FBXW11: variants seen among roughly 807,000 people sequenced by gnomAD.
The protein encoded by FBXW11 is F-box/WD repeat-containing protein 11.
A neutral mutation model predicts 77.6 loss-of-function variants in FBXW11; 19 were observed. That is an observed-to-expected ratio of 0.24 (90% CI 0.17 to 0.36). The LOEUF (loss-of-function observed/expected upper bound fraction) is 0.36. Among genes scored for constraint, FBXW11 ranks in the 10% least tolerant of loss-of-function variants. The pLI is 1.00. For synonymous variants in FBXW11, 235 were observed against 249.4 expected (o/e 0.94, Z 0.54); for missense variants, 334 against 704.2 (o/e 0.47, Z 5.95).
chr5:171,924,941 T>C (rs1286205251), intron 2 of FBXW11, among the ~76,000 whole-genome samples: 2 of 152,078 alleles, frequency 1.3e-5, no homozygotes, highest in African/African-American at 4.8e-5. Flanking sequence ...GCATTCCCCC[T>C]TGTCTAGATG....
At chr5:171,928,509 C>G (rs776909579) in intron 2 of FBXW11, among the ~76,000 whole-genome samples, 6 of 152,134 alleles carry the variant, frequency 3.9e-5, no homozygotes, top group Non-Finnish European at 8.8e-5. Context: ...AAATTTACTA[C>G]AAAGCTATTG....
intron 1 of FBXW11, among the ~76,000 whole-genome samples, chr5:171,957,982 TGTGAAAGTTTGA>T (rs752718431): frequency 5.3e-4 from 81 of 152,352 alleles, no homozygotes; most frequent in Non-Finnish European, 1.1e-3. Context: ...CAAAGGGAAC[TGTGAAAGTTTGA>T]GTGCAAAACA....
intron 1 of FBXW11, among the ~76,000 whole-genome samples, chr5:171,965,617 G>A (rs773623225): frequency 1.3e-5 from 2 of 151,374 alleles, no homozygotes; most frequent in Non-Finnish European, 2.9e-5. Context: ...GTAGAGAGAT[G>A]AAGGGTAATG....
At chr5:172,006,349 G>C (rs1268104939) in intron 1 of FBXW11, 109 bp downstream of exon 1, 14 of 987,260 alleles carry the variant, frequency 1.4e-5, no homozygotes, top group Non-Finnish European at 1.6e-5. Flanking sequence ...GGTCTGGGTC[G>C]AGGCGTCTGG....
chr5:171,967,855 C>CATATATAT (rs375683631), intron 1 of FBXW11, among the ~76,000 whole-genome samples: 77 of 118,498 alleles, frequency 6.5e-4, no homozygotes, highest in African/African-American at 2.7e-3. Context: ...AAAAAAAATG[C>CATATATAT]ATATATATAT....
chr5:171,862,019 G>C lies in FBXW11; in HGVS notation c.*2108C>G, dbSNP rs1289395608. On this transcript the variant is annotated 3_prime_UTR_variant, in exon 14 of 14. Transcript: ENST00000517395. ...AGTAGGCACAATTCAAAGGTTGTCT[G>C]CATATTCAAAGGCCATCATCTCCCA... 6.6e-6 allele frequency: 1 copy of C among 152,600 alleles called. No homozygotes were observed. The highest frequency in any genetic ancestry group is 1.5e-5 in the Non-Finnish European group (1 of 68,032). 9.5% of individuals were successfully genotyped at this position (152,600 alleles called of 1,614,324 possible).
rs1412501020 is a variant in FBXW11, at chr5:171,886,998, G to A, written c.852+4469C>T. Among the ~76,000 whole-genome samples, 7 of 152,014 alleles carry A rather than the reference G, an allele frequency of 4.6e-5. No individual in the cohort carries two copies. The South Asian group carries it at 1.0e-3, about 23-fold the overall frequency. On this transcript the variant is annotated intron_variant, in intron 7 of 13. Coordinates refer to ENST00000517395, the MANE Select transcript of FBXW11 (RefSeq NM_001378974.1). ...CATGCCACTGCACTCCAGCCAGGGT[G>A]ACAGAGCGAGACTCTGTCTCAAAAA... is the stretch of plus-strand genomic sequence containing the variant.
In FBXW11 at chr5:171,861,664, T is replaced by C. The variant is rs1303683219; in HGVS notation, c.*2463A>G. 1 of 152,654 alleles carries C rather than the reference T, an allele frequency of 6.6e-6. No homozygotes were observed. The highest frequency in any genetic ancestry group is 2.4e-5 in the African/African-American group (1 of 41,448). 9.5% of individuals were successfully genotyped at this position (152,654 alleles called of 1,614,324 possible). On this transcript the variant is annotated 3_prime_UTR_variant, in exon 14 of 14. Coordinates refer to ENST00000517395, the MANE Select transcript of FBXW11 (RefSeq NM_001378974.1). Reference sequence around the variant, plus strand: ...AATACCCATACTCGATTTATTGACATTACTTAGCAATTTACTGGACAAAAG... The same window carrying C: ...AATACCCATACTCGATTTATTGACACTACTTAGCAATTTACTGGACAAAAG...
chr5:171,993,331 A>G (rs1435233377), intron 1 of FBXW11, among the ~76,000 whole-genome samples: 2 of 151,996 alleles, frequency 1.3e-5, no homozygotes, highest in East Asian at 1.9e-4. Context: ...AAAACAATAT[A>G]CTCTGGGTGT....
chr5:171,897,619 A>G (rs940159797), intron 6 of FBXW11, among the ~76,000 whole-genome samples: 1 of 152,196 alleles, frequency 6.6e-6, no homozygotes, highest in Non-Finnish European at 1.5e-5. Context: ...ATGTTGCCAC[A>G]TCTTCAACCT....
At chr5:171,976,746 T>G (rs1414694084) in intron 1 of FBXW11, among the ~76,000 whole-genome samples, 1 of 151,996 alleles carries the variant, frequency 6.6e-6, no homozygotes, top group Non-Finnish European at 1.5e-5. Context: ...CCAGGTGAGC[T>G]CTAAGACATA....
chr5:171,923,909 C>CTTTT lies in FBXW11; in HGVS notation c.148-9508_148-9505dup, dbSNP rs70982354. ...GGGAGGGTCCGCGGTGAAACCCCAC[C>CTTTT]TTTTTTTTTTTTTTTTTTTTTTTTT... On this transcript the variant is annotated intron_variant, in intron 2 of 13. Coordinates refer to ENST00000517395, the MANE Select transcript of FBXW11 (RefSeq NM_001378974.1). Among the ~76,000 whole-genome samples the CTTTT allele has an allele frequency of 1.8e-3, 89 of 49,194 alleles. 3 individuals carry two copies. The highest frequency in any genetic ancestry group is 7.1e-3 in the African/African-American group (79 of 11,150). 32.3% of individuals were successfully genotyped at this position (49,194 alleles called of 152,430 possible). A position where few individuals can be genotyped will look rare whatever the true frequency, so the allele number is the denominator to read the frequency against.
intron 2 of FBXW11, among the ~76,000 whole-genome samples, chr5:171,953,319 T>C (rs1023994153): frequency 1.3e-5 from 2 of 152,174 alleles, no homozygotes; most frequent in Admixed American, 6.5e-5. Context: ...TTAGTGTCTA[T>C]AAAATACTAC....
chr5:171,982,102 G>C (rs78205016), intron 1 of FBXW11, among the ~76,000 whole-genome samples: 271 of 152,252 alleles, frequency 1.8e-3, no homozygotes, highest in African/African-American at 5.4e-3. Flanking sequence ...GTGGTTATGT[G>C]AGTATATATA....
At chr5:171,968,710 T>C (rs960058995) in intron 1 of FBXW11, among the ~76,000 whole-genome samples, 66 of 152,120 alleles carry the variant, frequency 4.3e-4, no homozygotes, top group Admixed American at 2.6e-4. Flanking sequence ...CTGAGAGACA[T>C]CTGCTCTCAT....
At chr5:171,948,843 C>T (rs953648862) in intron 2 of FBXW11, among the ~76,000 whole-genome samples, 1 of 152,188 alleles carries the variant, frequency 6.6e-6, no homozygotes, top group Non-Finnish European at 1.5e-5. Flanking sequence ...GTTTTGGAAA[C>T]CATAAATTAC....
chr5:171,877,603 G>A (rs192398191), intron 8 of FBXW11, among the ~76,000 whole-genome samples: 109 of 152,170 alleles, frequency 7.2e-4, no homozygotes, highest in African/African-American at 2.6e-3. Context: ...AGAAGCAGGG[G>A]TACGGAAGCA....
intron 6 of FBXW11, among the ~76,000 whole-genome samples, chr5:171,893,566 A>G (rs1220422793): frequency 1.3e-5 from 2 of 152,142 alleles, no homozygotes; most frequent in African/African-American, 4.8e-5. Flanking sequence ...AACGCATGGA[A>G]TCATTTAGAG....
intron 9 of FBXW11, among the ~76,000 whole-genome samples, chr5:171,874,752 CAA>C (rs34775989): frequency 0.025 from 934 of 38,022 alleles, 3 homozygotes; most frequent in African/African-American, 0.066. Flanking sequence ...CTGGTCTCTA[CAA>C]AAAAAAAAAA....
Sources: allele counts gnomAD v4.1 joint callset (sites outside exome capture counted in the v4.1 genomes callset), GRCh38; gene constraint gnomAD v4.1.1; transcripts MANE v1.5; gene names NCBI Gene and HGNC (gene_info 2026-07-23, HGNC 2026-07-21).